ANKRD36B: variants seen among roughly 807,000 people sequenced by gnomAD.
ANKRD36B encodes the protein ankyrin repeat domain-containing protein 36B.
In ANKRD36B, 37 loss-of-function variants were observed where a neutral mutation model predicts 135.7. The observed-to-expected ratio is 0.27, with a 90% CI of 0.21 to 0.36. ANKRD36B has a LOEUF of 0.36. Among genes scored for constraint, ANKRD36B ranks in the 10% least tolerant of loss-of-function variants. The pLI, the probability that ANKRD36B is intolerant of heterozygous loss-of-function variation, is 1.00. For missense variants in ANKRD36B, 549 were observed against 1,037.1 expected, an observed-to-expected ratio of 0.53 and a Z score of 6.46; for synonymous variants, 179 against 348.1, an observed-to-expected ratio of 0.51 and a Z score of 5.41.
At chr2:97,557,169 A>G (rs1188813252) in intron 10 of ANKRD36B, 37 bp from the exon 11 acceptor site, 6 of 1,502,026 alleles carry the variant, frequency 4.0e-6, no homozygotes, top group Non-Finnish European at 5.4e-6. Context: ...CATCATATGT[A>G]AATATGACAA....
intron 34 of ANKRD36B, among the ~76,000 whole-genome samples, chr2:97,534,996 A>G (rs2078788120): frequency 1.0e-5 from 1 of 97,094 alleles, no homozygotes; most frequent in East Asian, 2.3e-4. Context: ...ATGTGAAAGA[A>G]TAAGATCCTC....
rs1181872337 is a variant in ANKRD36B, at chr2:97,540,725, C to T, written c.1886-496G>A. Among the ~76,000 whole-genome samples, 3 of 96,372 alleles carry T rather than the reference C, an allele frequency of 3.1e-5. 1 individual carries two copies. Among genetic ancestry groups the T allele is most frequent in the Admixed American group, 9.3e-5 (1 of 10,778 alleles). 63.2% of individuals were successfully genotyped at this position (96,372 alleles called of 152,430 possible). A position where few individuals can be genotyped will look rare whatever the true frequency, so the allele number is the denominator to read the frequency against. ...ACACTTCAGTTGAATGTACACTTCA[C>T]GTCTCTTCAGTAGAAGTGTCCTAAA... On this transcript the variant is annotated intron_variant, in intron 28 of 43. Coordinates refer to ENST00000359901, the MANE Select transcript of ANKRD36B (RefSeq NM_001393939.1).
At chr2:97,582,346 T>C (rs2082685679) in intron 3 of ANKRD36B, among the ~76,000 whole-genome samples, 1 of 151,768 alleles carries the variant, frequency 6.6e-6, no homozygotes, top group Non-Finnish European at 1.5e-5. Flanking sequence ...TAAATAAATA[T>C]AAAATGTCTT....
intron 1 of ANKRD36B, among the ~76,000 whole-genome samples, chr2:97,588,390 C>T (rs933627127): frequency 1.6e-4 from 25 of 152,052 alleles, no homozygotes; most frequent in African/African-American, 5.8e-4. Context: ...TTTGCACCAA[C>T]CTAATATATT....
At chr2:97,584,533 C>T (rs1295433092) in intron 3 of ANKRD36B, among the ~76,000 whole-genome samples, 1 of 151,986 alleles carries the variant, frequency 6.6e-6, no homozygotes, top group African/African-American at 2.4e-5. Flanking sequence ...ACAACATGTA[C>T]ATTTATTGTG....
chr2:97,551,453 T>G lies in ANKRD36B; in HGVS notation c.1301A>C (p.Lys434Thr), dbSNP rs755408504. 326 of 1,606,952 alleles carry G rather than the reference T, an allele frequency of 2.0e-4. No homozygotes were observed. The highest frequency in any genetic ancestry group is 2.7e-4 in the Non-Finnish European group (315 of 1,178,772). ...TVSSQKKPALKATSDEKDSFS... is the reference protein window; with the variant it reads ...TVSSQKKPALTATSDEKDSFS... ...CAATATAAATGAGAGTTTCATTACC[T>G]TCAAGGCTGGTTTTTTCTGAGAAGA... Residue 434 changes from lysine (K) to threonine (T), a missense_variant and splice_region_variant, in exon 17 of 44, where the codon AAG (lysine) becomes ACG (threonine). Coordinates refer to ENST00000359901, the MANE Select transcript of ANKRD36B (RefSeq NM_001393939.1).
rs147173548 is a variant in ANKRD36B at position 97,573,177 on chromosome 2, C to T, written c.763+3202G>A. Among the ~76,000 whole-genome samples, 1,505 of 151,982 alleles carry T rather than the reference C, an allele frequency of 9.9e-3. 31 individuals carry two copies. The highest frequency in any genetic ancestry group is 0.035 in the African/African-American group (1,433 of 41,426). ...CAACATGCGGTGTTTCGTTTTTTGT[C>T]CTTGCCATAATTTGCTGAGAATGAT... On this transcript the variant is annotated intron_variant, in intron 6 of 43. Coordinates refer to ENST00000359901, the MANE Select transcript of ANKRD36B (RefSeq NM_001393939.1).
At chr2:97,549,066 G>A (rs2079778793) in intron 20 of ANKRD36B, among the ~76,000 whole-genome samples, 1 of 151,880 alleles carries the variant, frequency 6.6e-6, no homozygotes, top group Non-Finnish European at 1.5e-5. Context: ...TGTGATGTCT[G>A]TAAAATCGAT....
intron 6 of ANKRD36B, among the ~76,000 whole-genome samples, chr2:97,571,227 C>A (rs989238796): frequency 2.6e-5 from 4 of 152,100 alleles, no homozygotes; most frequent in Non-Finnish European, 5.9e-5. Context: ...ACCTGTAGTC[C>A]CAACTACTCC....
chr2:97,541,692 T>A, intron 28 of ANKRD36B: 1 of 479,474 alleles, frequency 2.1e-6, no homozygotes, highest in South Asian at 1.6e-5. Context: ...ATGGTTATTC[T>A]TCCTAATTTC....
At chr2:97,556,026 A>G (rs1312457817) in intron 12 of ANKRD36B, among the ~76,000 whole-genome samples, 2 of 151,934 alleles carry the variant, frequency 1.3e-5, no homozygotes, top group Non-Finnish European at 2.9e-5. Context: ...CTATCAGTCC[A>G]ATATTCATTG....
chr2:97,555,606 G>C (rs920456962), intron 12 of ANKRD36B, among the ~76,000 whole-genome samples: 28 of 151,908 alleles, frequency 1.8e-4, no homozygotes, highest in African/African-American at 3.6e-4. Context: ...GGTGCTACAT[G>C]ATCCTCCATG....
intron 6 of ANKRD36B, among the ~76,000 whole-genome samples, chr2:97,572,566 CACTT>C (rs1315656551): frequency 4.0e-5 from 6 of 148,498 alleles, no homozygotes; most frequent in African/African-American, 1.5e-4. Flanking sequence ...GGAGCAGCAT[CACTT>C]ACACTGTCAC....
At chr2:97,508,779 A>G (rs1284398982) in intron 40 of ANKRD36B, among the ~76,000 whole-genome samples, 33 of 109,114 alleles carry the variant, frequency 3.0e-4, no homozygotes, top group African/African-American at 8.2e-4. Flanking sequence ...TTAGGAGAGA[A>G]GTAATTTAAA....
In ANKRD36B at chr2:97,528,981, A is replaced by G. The variant is rs1159119597; in HGVS notation, c.2265+3330T>C. ...GTCGCATTCTACCAGAGGTACAAGGAGGAACTGGTACCATTCCTTCTGAAA... is the reference window on the plus strand; with the variant it reads ...GTCGCATTCTACCAGAGGTACAAGGGGGAACTGGTACCATTCCTTCTGAAA... On this transcript the variant is annotated intron_variant, in intron 35 of 43. Transcript: ENST00000359901. Among the ~76,000 whole-genome samples the G allele has an allele frequency of 8.3e-5, 8 of 96,814 alleles. 2 individuals are homozygous for G. Among genetic ancestry groups the G allele is most frequent in the African/African-American group, 1.9e-4 (6 of 32,238 alleles). 63.5% of individuals were successfully genotyped at this position (96,814 alleles called of 152,430 possible).
intron 35 of ANKRD36B, among the ~76,000 whole-genome samples, chr2:97,528,957 T>C (rs1443182555): frequency 7.3e-5 from 7 of 96,012 alleles, no homozygotes; most frequent in African/African-American, 1.9e-4. Context: ...GGATTCACAG[T>C]CGCATTCTAC....
intron 6 of ANKRD36B, among the ~76,000 whole-genome samples, chr2:97,565,954 G>C (rs2104828907): frequency 6.6e-6 from 1 of 151,754 alleles, no homozygotes; most frequent in Non-Finnish European, 1.5e-5. Flanking sequence ...TGAGGCAGAA[G>C]TATCACTTGA....
chr2:97,552,362 A>G (rs1173224701), intron 16 of ANKRD36B, among the ~76,000 whole-genome samples: 1 of 151,946 alleles, frequency 6.6e-6, no homozygotes, highest in Non-Finnish European at 1.5e-5. Flanking sequence ...TAGTCTGTAA[A>G]GATGTTTCGT....
At position 97,556,919 on chromosome 2, in the gene ANKRD36B, T is replaced by C; in HGVS notation, c.1069+18A>G. ...TGTCTTGAGTGCACATGACATTAAATGTGTATTGCCAAATTACCTGTTCCA... is the reference window on the plus strand; with the variant it reads ...TGTCTTGAGTGCACATGACATTAAACGTGTATTGCCAAATTACCTGTTCCA... On this transcript the variant is annotated intron_variant, in intron 12 of 43. Transcript: ENST00000359901. The C allele has an allele frequency of 6.3e-7, 1 of 1,575,114 alleles. No homozygotes were observed. The highest frequency in any genetic ancestry group is 1.2e-5 in the South Asian group (1 of 85,970).
Sources: gnomAD v4.1 joint callset for allele counts (sites outside exome capture counted in the v4.1 genomes callset) on GRCh38, gnomAD v4.1.1 for gene constraint, MANE v1.5 for transcripts, NCBI Gene and HGNC (gene_info 2026-07-23, HGNC 2026-07-21) for gene names.